Variants in RNF125 observed in about 807,000 individuals in gnomAD.
The protein encoded by RNF125 is ring finger protein 125.
RNF125 carries 21 observed loss-of-function variants against 26.0 expected under a neutral mutation model. The observed-to-expected ratio is 0.81, with a 90% CI of 0.57 to 1.16. The LOEUF (loss-of-function observed/expected upper bound fraction) is 1.16. Among genes scored for constraint, RNF125 ranks in the 50% most tolerant of loss-of-function variants. RNF125 has a pLI of 0.00. For synonymous variants in RNF125, 95 were observed against 109.2 expected (o/e 0.87, Z 0.81); for missense variants, 270 against 299.4 (o/e 0.90, Z 0.72).
intron 1 of RNF125, among the ~76,000 whole-genome samples, chr18:32,020,166 GCC>G (rs2038973524): frequency 6.6e-6 from 1 of 152,012 alleles, no homozygotes; most frequent in South Asian, 2.1e-4. Context: ...TCCTGCCTCA[GCC>G]TCCCGAGTTG....
intron 4 of RNF125, among the ~76,000 whole-genome samples, chr18:32,064,390 C>CT (rs2039463479): frequency 5.9e-5 from 5 of 84,694 alleles, no homozygotes; most frequent in Non-Finnish European, 9.7e-5. Context: ...AAATCTTTTT[C>CT]TTTTTCTTTT....
chr18:32,068,320 C>T lies in RNF125; in HGVS notation c.635C>T (p.Ala212Val). 6.4e-7 allele frequency: 1 copy of T among 1,567,062 alleles called. No homozygotes were observed. Among genetic ancestry groups the T allele is most frequent in the Non-Finnish European group, 8.8e-7 (1 of 1,138,240 alleles). The change falls in exon 6 of 6, where the codon GCT (alanine) becomes GTT (valine). Residue 212 changes from alanine to valine, a missense_variant. Transcript: ENST00000217740. ...TAGGATTTTAATATAATTGAGGAAG[C>T]TCTTATCCGAAGAGTCTTAGACCGG... Reference protein sequence around the residue: ...DFIDFNIIEEALIRRVLDRSL... With the variant: ...DFIDFNIIEEVLIRRVLDRSL...
At chr18:32,044,046 A>C (rs1301911713) in intron 3 of RNF125, among the ~76,000 whole-genome samples, 1 of 151,412 alleles carries the variant, frequency 6.6e-6, no homozygotes, top group Non-Finnish European at 1.5e-5. Context: ...TTGCTCTGTC[A>C]CCCAGGCTGG....
At chr18:32,066,708 A>G (rs2039488664) in intron 5 of RNF125, among the ~76,000 whole-genome samples, 1 of 152,216 alleles carries the variant, frequency 6.6e-6, no homozygotes, top group African/African-American at 2.4e-5. Context: ...ACCTACTCCC[A>G]AAATTCTTCT....
chr18:32,064,827 A>G (rs975776679), intron 4 of RNF125, among the ~76,000 whole-genome samples: 2 of 152,080 alleles, frequency 1.3e-5, no homozygotes, highest in Non-Finnish European at 2.9e-5. Flanking sequence ...CTCCTGGCCA[A>G]CGTTCATAAT....
At chr18:32,064,997 T>C (rs764544317) in intron 4 of RNF125, among the ~76,000 whole-genome samples, 2 of 152,264 alleles carry the variant, frequency 1.3e-5, no homozygotes, top group Non-Finnish European at 2.9e-5. Context: ...ATGGTACATG[T>C]ATTAATTGTA....
rs2039514869 is a variant in RNF125 at position 32,069,493 on chromosome 18, T to C, written c.*1109T>C. The C allele has an allele frequency of 6.6e-6, 1 of 152,128 alleles. No homozygotes were observed. Among genetic ancestry groups the C allele is most frequent in the Non-Finnish European group, 1.5e-5 (1 of 68,024 alleles). 9.4% of individuals were successfully genotyped at this position (152,128 alleles called of 1,614,324 possible). A position where few individuals can be genotyped will look rare whatever the true frequency, so the allele number is the denominator to read the frequency against. On this transcript the variant is annotated 3_prime_UTR_variant, in exon 6 of 6. Transcript: ENST00000217740. ...TTTGATTGTAACATTTTAAAAATTA[T>C]GAAATAAAAGTACTGAAAACCAGAC...
At chr18:32,088,527 G>T in the RNF125 span, among the ~76,000 whole-genome samples, 1 of 152,112 alleles carries the variant, frequency 6.6e-6, no homozygotes, top group Admixed American at 6.5e-5. Context: ...TTTTGAGACA[G>T]AGTCCCGCTC....
chr18:32,060,093 C>A (rs781677274), intron 4 of RNF125, among the ~76,000 whole-genome samples: 2 of 152,106 alleles, frequency 1.3e-5, no homozygotes, highest in African/African-American at 4.8e-5. Flanking sequence ...TTTATGGTTT[C>A]TTGAAAAGAA....
the RNF125 span, among the ~76,000 whole-genome samples, chr18:32,089,004 A>T: frequency 1.4e-3 from 217 of 152,268 alleles, 1 homozygote; most frequent in Non-Finnish European, 2.7e-3. Flanking sequence ...ACCACAAAGG[A>T]TGTCATAGAC....
At chr18:32,075,693 CAA>C (rs759960735), downstream of RNF125, among the ~76,000 whole-genome samples, 15 of 92,150 alleles carry the variant, frequency 1.6e-4, no homozygotes, top group South Asian at 4.6e-3. Context: ...AACTCCATCT[CAA>C]AAAAAAAAAA....
intron 4 of RNF125, among the ~76,000 whole-genome samples, chr18:32,050,765 C>T (rs1239856019): frequency 6.9e-6 from 1 of 145,674 alleles, no homozygotes; most frequent in Non-Finnish European, 1.5e-5. Flanking sequence ...ATGTAGATAA[C>T]ATTAATGAGA....
chr18:32,053,503 C>A (rs1468266108), intron 4 of RNF125, among the ~76,000 whole-genome samples: 4 of 151,992 alleles, frequency 2.6e-5, no homozygotes, highest in Admixed American at 6.5e-5. Context: ...ACTCTTCAGG[C>A]ATAGTGGCTC....
At chr18:32,036,544 A>T (rs1393370606) in intron 1 of RNF125, among the ~76,000 whole-genome samples, 1 of 146,048 alleles carries the variant, frequency 6.8e-6, no homozygotes, top group Non-Finnish European at 1.5e-5. Flanking sequence ...CAGAGAACAT[A>T]TTTCTTGACC....
chr18:32,043,731 T>A (rs977597890), intron 3 of RNF125, among the ~76,000 whole-genome samples: 7 of 152,274 alleles, frequency 4.6e-5, no homozygotes, highest in African/African-American at 1.7e-4. Context: ...TAGTAAAGAA[T>A]TAAAATAATA....
intron 4 of RNF125, among the ~76,000 whole-genome samples, chr18:32,050,966 G>A (rs1237232986): frequency 7.7e-6 from 1 of 129,088 alleles, no homozygotes; most frequent in Non-Finnish European, 1.5e-5. Flanking sequence ...CAAGCGATCT[G>A]CTCTCCTCGG....
intron 4 of RNF125, among the ~76,000 whole-genome samples, chr18:32,053,918 G>A (rs11874448): frequency 0.091 from 13,853 of 151,876 alleles, 2,070 homozygotes; most frequent in African/African-American, 0.31. Context: ...GGGAGACAGG[G>A]TATTTGACTC....
At chr18:32,075,944 C>T (rs547158677), downstream of RNF125, 31 of 1,523,550 alleles carry the variant, frequency 2.0e-5, 1 homozygote, top group South Asian at 3.5e-4. Context: ...TCTTCATGGT[C>T]CATGATGCCA....
intron 1 of RNF125, among the ~76,000 whole-genome samples, chr18:32,020,257 A>G (rs2038974495): frequency 6.6e-6 from 1 of 151,994 alleles, no homozygotes; most frequent in Non-Finnish European, 1.5e-5. Context: ...CATGTTGGCC[A>G]GGCTGGTCTT....
Sources: allele counts gnomAD v4.1 joint callset (sites outside exome capture counted in the v4.1 genomes callset), GRCh38; gene constraint gnomAD v4.1.1; transcripts MANE v1.5; gene names NCBI Gene and HGNC (gene_info 2026-07-23, HGNC 2026-07-21).